Variants in KCTD16 observed in about 807,000 individuals in gnomAD.
The protein encoded by KCTD16 is BTB/POZ domain-containing protein KCTD16.
KCTD16 carries 13 observed loss-of-function variants against 33.2 expected under a neutral mutation model. That is an observed-to-expected ratio of 0.39 (90% CI 0.25 to 0.62). The LOEUF is 0.62. Among genes scored for constraint, KCTD16 ranks in the 20% least tolerant of loss-of-function variants. The pLI is 0.50. For missense variants in KCTD16, 441 were observed against 525.1 expected, an observed-to-expected ratio of 0.84 and a Z score of 1.57; for synonymous variants, 197 against 195.3, an observed-to-expected ratio of 1.01 and a Z score of -0.07.
chr5:144,245,103 A>G (rs1754513109), intron 3 of KCTD16, among the ~76,000 whole-genome samples: 1 of 152,174 alleles, frequency 6.6e-6, no homozygotes, highest in Non-Finnish European at 1.5e-5. Context: ...TTATTTATTT[A>G]TTTGACAAAT....
At chr5:144,203,883 C>T (rs1753100675) in intron 2 of KCTD16, among the ~76,000 whole-genome samples, 1 of 152,016 alleles carries the variant, frequency 6.6e-6, no homozygotes, top group Non-Finnish European at 1.5e-5. Context: ...ATGTTTTGGC[C>T]CTATTAAGTT....
chr5:144,327,367 A>C (rs1013763042), intron 3 of KCTD16, among the ~76,000 whole-genome samples: 4 of 151,986 alleles, frequency 2.6e-5, no homozygotes, highest in Admixed American at 1.3e-4. Flanking sequence ...TGCTCCTCCA[A>C]GTCTAATGCT....
intron 3 of KCTD16, among the ~76,000 whole-genome samples, chr5:144,400,473 A>G (rs2126945716): frequency 6.6e-6 from 1 of 152,306 alleles, no homozygotes; most frequent in East Asian, 1.9e-4. Flanking sequence ...ACACATCAAC[A>G]TTTATTTAGT....
chr5:144,464,899 G>T (rs1036476740), intron 3 of KCTD16, among the ~76,000 whole-genome samples: 1 of 152,070 alleles, frequency 6.6e-6, no homozygotes, highest in African/African-American at 2.4e-5. Context: ...AGTTGTCTGA[G>T]ATTTATTCTT....
intron 2 of KCTD16, among the ~76,000 whole-genome samples, chr5:144,204,234 C>T (rs998927170): frequency 4.6e-5 from 7 of 152,206 alleles, no homozygotes; most frequent in African/African-American, 1.7e-4. Flanking sequence ...AGTTCACCTC[C>T]ATTTTTGTTT....
At chr5:144,450,800 A>T (rs1358172972) in intron 3 of KCTD16, among the ~76,000 whole-genome samples, 1 of 152,082 alleles carries the variant, frequency 6.6e-6, no homozygotes, top group Non-Finnish European at 1.5e-5. Context: ...CGAGGGGAGG[A>T]GCAAGTGGGG....
chr5:144,340,808 A>G (rs831415), intron 3 of KCTD16, among the ~76,000 whole-genome samples: 51,580 of 151,798 alleles, frequency 0.34, 9,553 homozygotes, highest in African/African-American at 0.49. Flanking sequence ...CCAGCCCTTT[A>G]GGAGGCCGAG....
intron 3 of KCTD16, among the ~76,000 whole-genome samples, chr5:144,231,149 G>A (rs920654136): frequency 3.3e-5 from 5 of 152,148 alleles, no homozygotes; most frequent in African/African-American, 1.2e-4. Context: ...CTAATTCGAT[G>A]TTAGTTAAAT....
intron 3 of KCTD16, among the ~76,000 whole-genome samples, chr5:144,319,706 G>A (rs571705318): frequency 3.5e-4 from 53 of 152,094 alleles, no homozygotes; most frequent in Admixed American, 1.6e-3. Context: ...ATCATATACC[G>A]ACCCAAACCA....
At chr5:144,216,210 C>T (rs1302023017) in intron 3 of KCTD16, among the ~76,000 whole-genome samples, 1 of 152,146 alleles carries the variant, frequency 6.6e-6, no homozygotes, top group African/African-American at 2.4e-5. Context: ...GAGTATGTCA[C>T]TGACAATAGG....
At chr5:144,378,908 T>C (rs1430818824) in intron 3 of KCTD16, among the ~76,000 whole-genome samples, 1 of 152,198 alleles carries the variant, frequency 6.6e-6, no homozygotes, top group East Asian at 1.9e-4. Context: ...TATGCTAACA[T>C]TCGTCATAGG....
intron 2 of KCTD16, among the ~76,000 whole-genome samples, chr5:144,193,605 G>T (rs1392789514): frequency 6.6e-6 from 1 of 151,686 alleles, no homozygotes; most frequent in Non-Finnish European, 1.5e-5. Flanking sequence ...TTGTTTATTT[G>T]TTTATGATCT....
chr5:144,329,484 C>G (rs1363770872), intron 3 of KCTD16, among the ~76,000 whole-genome samples: 1 of 152,128 alleles, frequency 6.6e-6, no homozygotes, highest in Admixed American at 6.6e-5. Flanking sequence ...TAAAAGATGA[C>G]TCTTGTTTGG....
chr5:144,388,088 T>G (rs1389460897), intron 3 of KCTD16, among the ~76,000 whole-genome samples: 1 of 134,382 alleles, frequency 7.4e-6, no homozygotes, highest in African/African-American at 3.0e-5. Context: ...TTTTTTTTTT[T>G]TTTTTTTGAG....
At chr5:144,447,380 C>T (rs753622356) in intron 3 of KCTD16, among the ~76,000 whole-genome samples, 6 of 151,898 alleles carry the variant, frequency 4.0e-5, no homozygotes, top group South Asian at 2.1e-4. Flanking sequence ...GCACAGGGAG[C>T]GGAACATCAC....
At chr5:144,233,510 C>T (rs1353637877) in intron 3 of KCTD16, among the ~76,000 whole-genome samples, 1 of 152,072 alleles carries the variant, frequency 6.6e-6, no homozygotes, top group African/African-American at 2.4e-5. Context: ...TGCATGGCAG[C>T]CCTTCTCACA....
intron 3 of KCTD16, among the ~76,000 whole-genome samples, chr5:144,432,639 G>A (rs1338285027): frequency 8.0e-5 from 12 of 150,784 alleles, no homozygotes; most frequent in Non-Finnish European, 1.5e-4. Flanking sequence ...AACACTAAAT[G>A]TGTGTGTGTG....
At chr5:144,295,228 G>C (rs925883522) in intron 3 of KCTD16, among the ~76,000 whole-genome samples, 3 of 152,238 alleles carry the variant, frequency 2.0e-5, no homozygotes, top group African/African-American at 7.2e-5. Context: ...TAAGTGTCCT[G>C]TTTAATGGTA....
chr5:144,238,307 T>C (rs1754309680), intron 3 of KCTD16, among the ~76,000 whole-genome samples: 1 of 152,170 alleles, frequency 6.6e-6, no homozygotes, highest in African/African-American at 2.4e-5. Flanking sequence ...AGGTTTCTGT[T>C]GTCCTCTTGA....
Sources: gnomAD v4.1 joint callset for allele counts (sites outside exome capture counted in the v4.1 genomes callset) on GRCh38, gnomAD v4.1.1 for gene constraint, MANE v1.5 for transcripts, NCBI Gene and HGNC (gene_info 2026-07-23, HGNC 2026-07-21) for gene names.